ROR1: variants seen among roughly 807,000 people sequenced by gnomAD.
The protein encoded by ROR1 is inactive tyrosine-protein kinase transmembrane receptor ROR1.
In ROR1, 19 loss-of-function variants were observed where a neutral mutation model predicts 78.8. That is an observed-to-expected ratio of 0.24 (90% CI 0.17 to 0.35). The LOEUF (loss-of-function observed/expected upper bound fraction) is 0.35, where lower values mean the gene tolerates loss of function less well. Among genes scored for constraint, ROR1 ranks in the 10% least tolerant of loss-of-function variants. The pLI is 1.00. For synonymous variants in ROR1, 386 were observed against 433.6 expected (o/e 0.89, Z 1.36); for missense variants, 917 against 1,177.8 (o/e 0.78, Z 3.24).
At chr1:64,127,497 T>G (rs1648752269) in intron 4 of ROR1, among the ~76,000 whole-genome samples, 1 of 151,302 alleles carries the variant, frequency 6.6e-6, no homozygotes, top group African/African-American at 2.4e-5. Flanking sequence ...TCTGTCTCTC[T>G]CTCTCTCTGT....
At chr1:64,048,863 A>G (rs986916186) in intron 2 of ROR1, among the ~76,000 whole-genome samples, 1 of 151,894 alleles carries the variant, frequency 6.6e-6, no homozygotes. Flanking sequence ...AGTTGCTTCA[A>G]GGTGGGGTGG....
chr1:63,795,330 C>T (rs1458239030), intron 1 of ROR1, among the ~76,000 whole-genome samples: 1 of 152,144 alleles, frequency 6.6e-6, no homozygotes, highest in African/African-American at 2.4e-5. Flanking sequence ...AGATTCAAAT[C>T]CAAAGTATTT....
chr1:64,157,742 C>T (rs1649814243), intron 7 of ROR1, among the ~76,000 whole-genome samples: 1 of 152,108 alleles, frequency 6.6e-6, no homozygotes. Flanking sequence ...CATTATCTTT[C>T]TTCTATTTTC....
chr1:63,968,020 T>C (rs1227696378), intron 1 of ROR1, among the ~76,000 whole-genome samples: 2 of 152,212 alleles, frequency 1.3e-5, no homozygotes, highest in South Asian at 4.1e-4. Context: ...TTAAGGCCTA[T>C]GGAAACTGGT....
intron 2 of ROR1, among the ~76,000 whole-genome samples, chr1:64,026,669 T>C (rs1646613302): frequency 6.6e-6 from 1 of 152,178 alleles, no homozygotes; most frequent in Non-Finnish European, 1.5e-5. Context: ...AAGTTTACAA[T>C]CATGGCTGAA....
At chr1:63,912,233 G>A (rs186282546) in intron 1 of ROR1, among the ~76,000 whole-genome samples, 1 of 151,410 alleles carries the variant, frequency 6.6e-6, no homozygotes, top group East Asian at 1.9e-4. Context: ...AGAAATTCAA[G>A]GCTGCAGCAA....
At chr1:63,786,430 G>A (rs1320796542) in intron 1 of ROR1, among the ~76,000 whole-genome samples, 8 of 151,448 alleles carry the variant, frequency 5.3e-5, no homozygotes, top group African/African-American at 1.2e-4. Context: ...CCGCCACCAC[G>A]GCCAGCTAAT....
At chr1:64,059,340 G>A (rs1447208522) in intron 4 of ROR1, among the ~76,000 whole-genome samples, 6 of 152,076 alleles carry the variant, frequency 3.9e-5, no homozygotes, top group African/African-American at 1.4e-4. Context: ...GCTGTGTGTT[G>A]TTTTTGCCGT....
At chr1:63,932,104 G>T (rs1016132029) in intron 1 of ROR1, among the ~76,000 whole-genome samples, 3 of 152,074 alleles carry the variant, frequency 2.0e-5, no homozygotes, top group Non-Finnish European at 4.4e-5. Flanking sequence ...CCTAGCTCAG[G>T]GGCTGGCACT....
chr1:63,954,139 T>C (rs143662055), intron 1 of ROR1, among the ~76,000 whole-genome samples: 2 of 152,352 alleles, frequency 1.3e-5, no homozygotes, highest in African/African-American at 4.8e-5. Flanking sequence ...AAGAGAGATG[T>C]CAGAGTAATC....
At chr1:63,892,918 A>C (rs886367683) in intron 1 of ROR1, among the ~76,000 whole-genome samples, 31 of 152,196 alleles carry the variant, frequency 2.0e-4, no homozygotes. Context: ...GTTTCCCAAA[A>C]GCACAGGCCC....
chr1:64,032,574 A>G (rs1385394988), intron 2 of ROR1, among the ~76,000 whole-genome samples: 1 of 152,174 alleles, frequency 6.6e-6, no homozygotes, highest in Non-Finnish European at 1.5e-5. Flanking sequence ...ACTTTGTGGC[A>G]GAGGTGGGAC....
At position 64,170,094 on chromosome 1, in the gene ROR1, G is replaced by A. The variant is rs568562967; in HGVS notation, c.1387-7334G>A. Among the ~76,000 whole-genome samples, 37 of 152,288 alleles carry A rather than the reference G, an allele frequency of 2.4e-4. No individual in the cohort carries two copies. The South Asian group carries it at 7.5e-3, about 31-fold the overall frequency. ...ACCATTCTGGGGTCTGGAGGACAGT[G>A]GCTCTCTTCTCACAGGTCCACTAGG... On this transcript the variant is annotated intron_variant, in intron 8 of 8. Transcript: ENST00000371079.
At chr1:63,940,934 A>G (rs563124301) in intron 1 of ROR1, among the ~76,000 whole-genome samples, 3 of 152,328 alleles carry the variant, frequency 2.0e-5, no homozygotes, top group Admixed American at 2.0e-4. Flanking sequence ...TCATTTGTGT[A>G]GTATTCTGAC....
In ROR1 at chr1:64,050,728, T is replaced by C. The variant is rs747534621; in HGVS notation, c.482+12T>C. On this transcript the variant is annotated intron_variant, in intron 4 of 8. Coordinates refer to ENST00000371079, the MANE Select transcript of ROR1 (RefSeq NM_005012.4). ...AGTCCAGGATACTCGTAAGTACTTT[T>C]ATCTCCTTTCTTGTCATTTCTAAGT... is the stretch of plus-strand genomic sequence containing the variant. 8 of 1,613,114 alleles carry C rather than the reference T, an allele frequency of 5.0e-6. No homozygotes were observed. Among genetic ancestry groups the C allele is most frequent in the South Asian group, 3.3e-5 (3 of 91,076 alleles).
intron 1 of ROR1, chr1:63,843,815 G>C (rs1239758480): frequency 6.4e-6 from 2 of 313,486 alleles, no homozygotes; most frequent in East Asian, 2.1e-4. Context: ...TTGCTCATAG[G>C]AAGATTGCAA....
At chr1:64,019,378 AT>A (rs528078225) in intron 2 of ROR1, among the ~76,000 whole-genome samples, 4 of 152,066 alleles carry the variant, frequency 2.6e-5, no homozygotes, top group African/African-American at 9.7e-5. Flanking sequence ...TAAGATCTGG[AT>A]TTTTTCCCCC....
chr1:63,950,160 C>T lies in ROR1; in HGVS notation c.92-59145C>T, dbSNP rs149316766. Among the ~76,000 whole-genome samples the T allele has an allele frequency of 5.6e-3, 857 of 152,222 alleles. 8 individuals carry two copies. The highest frequency in any genetic ancestry group is 0.019 in the African/African-American group (792 of 41,528). On this transcript the variant is annotated intron_variant, in intron 1 of 8. Coordinates refer to ENST00000371079, the MANE Select transcript of ROR1 (RefSeq NM_005012.4). ...AGGCCCCATGAGAGGATTCTTGGAT[C>T]TTGCGCAAGACAGAATTCGAGGCAA...
rs117544800 is a variant in ROR1, at chr1:64,044,508, G to C, written c.164-5183G>C. Among the ~76,000 whole-genome samples the C allele has an allele frequency of 1.2e-4, 18 of 152,228 alleles. No individual in the cohort carries two copies. The East Asian group carries it at 3.5e-3, about 29-fold the overall frequency. On this transcript the variant is annotated intron_variant, in intron 2 of 8. Coordinates refer to ENST00000371079, the MANE Select transcript of ROR1 (RefSeq NM_005012.4). Reference sequence around the variant, plus strand: ...GAAAAAAAAAGCCAATTGCACTTAAGAATATCTTCCATGGAGCAGTAAAAA... The same window carrying C: ...GAAAAAAAAAGCCAATTGCACTTAACAATATCTTCCATGGAGCAGTAAAAA...
Sources: allele counts gnomAD v4.1 joint callset (sites outside exome capture counted in the v4.1 genomes callset), GRCh38; gene constraint gnomAD v4.1.1; transcripts MANE v1.5; gene names NCBI Gene and HGNC (gene_info 2026-07-23, HGNC 2026-07-21).